Variants in RTN4R observed in about 807,000 individuals in gnomAD.
RTN4R encodes reticulon-4 receptor.
A neutral mutation model predicts 27.7 loss-of-function variants in RTN4R; 4 were observed. The ratio of observed to expected loss-of-function variants is 0.14; its 90% CI spans 0.07 to 0.33. The LOEUF is 0.33. Among genes scored for constraint, RTN4R ranks in the 10% least tolerant of loss-of-function variants. RTN4R has a pLI of 1.00. For missense variants in RTN4R, 554 were observed against 671.5 expected, an observed-to-expected ratio of 0.83 and a Z score of 1.93; for synonymous variants, 290 against 305.6, an observed-to-expected ratio of 0.95 and a Z score of 0.53.
At chr22:20,260,879 C>G (rs2051242364) in intron 1 of RTN4R, among the ~76,000 whole-genome samples, 1 of 152,158 alleles carries the variant, frequency 6.6e-6, no homozygotes, top group African/African-American at 2.4e-5. Flanking sequence ...CCGTAGGCTC[C>G]TCACTGAGAA....
Position 20,268,286 on chromosome 22 carries a change from G to A in RTN4R, c.-194C>T, listed in dbSNP as rs1166191944. The stretch of plus-strand genomic sequence containing the variant: ...GCCGCGGGTGCGCAGGGCGCGCAGG[G>A]CGCACAGGGCGAGGGCGGCGGCGGC... On this transcript the variant is annotated 5_prime_UTR_variant, in exon 1 of 2. Transcript: ENST00000043402. 2 of 148,932 alleles carry A rather than the reference G, an allele frequency of 1.3e-5. No homozygotes were observed. Among genetic ancestry groups the A allele is most frequent in the African/African-American group, 2.5e-5 (1 of 40,568 alleles). The allele number at this position is 148,932 out of a possible 1,614,324, so 9.2% of individuals were successfully genotyped here. A position where few individuals can be genotyped will look rare whatever the true frequency, so the allele number is the denominator to read the frequency against.
chr22:20,260,869 C>T (rs1602650704), intron 1 of RTN4R, among the ~76,000 whole-genome samples: 1 of 152,128 alleles, frequency 6.6e-6, no homozygotes, highest in East Asian at 1.9e-4. Flanking sequence ...CCAAACTGCG[C>T]CGTAGGCTCC....
intron 1 of RTN4R, among the ~76,000 whole-genome samples, chr22:20,263,936 TGGCCCCA>T (rs1214678096): frequency 6.6e-6 from 1 of 151,914 alleles, no homozygotes; most frequent in African/African-American, 2.4e-5. Context: ...AGGGGAGAGG[TGGCCCCA>T]AGGCACCCAC....
At chr22:20,266,846 G>A (rs992098420) in intron 1 of RTN4R, among the ~76,000 whole-genome samples, 62 of 152,364 alleles carry the variant, frequency 4.1e-4, no homozygotes, top group African/African-American at 1.3e-3. Context: ...ATGATCACGC[G>A]CACAGACACA....
chr22:20,249,557 A>G (rs1472718569), intron 1 of RTN4R, among the ~76,000 whole-genome samples: 1 of 152,282 alleles, frequency 6.6e-6, no homozygotes, highest in Non-Finnish European at 1.5e-5. Flanking sequence ...AGTGCATGCA[A>G]TGGGACCCCT....
At chr22:20,266,685 C>T (rs1042730717) in intron 1 of RTN4R, among the ~76,000 whole-genome samples, 10 of 152,218 alleles carry the variant, frequency 6.6e-5, no homozygotes, top group African/African-American at 2.4e-4. Flanking sequence ...GGAGACCCTG[C>T]CCCTCACACC....
rs368044171 is a variant in RTN4R at position 20,242,641 on chromosome 22, G to A, written c.492C>T (p.Asn164=). The stretch of plus-strand genomic sequence containing the variant: ...TGTCATCAGGCAGTGCCTGCAGCGC[G>A]TTGTCCTGCAGGTAGAGGTACTGCA... ...AALQYLYLQD[N]ALQALPDDTF... Residue 164 remains asparagine (N), a synonymous_variant, in exon 2 of 2, where the codon AAC becomes AAT. Transcript: ENST00000043402. 6.6e-5 allele frequency: 106 copies of A among 1,612,710 alleles called. 2 individuals carry two copies. Among genetic ancestry groups the A allele is most frequent in the Admixed American group, 1.5e-4 (9 of 59,994 alleles).
At chr22:20,266,486 G>A (rs568876858) in intron 1 of RTN4R, among the ~76,000 whole-genome samples, 3 of 152,336 alleles carry the variant, frequency 2.0e-5, no homozygotes, top group South Asian at 2.1e-4. Context: ...CACTGGAGGC[G>A]GGGCCTCTGC....
intron 1 of RTN4R, chr22:20,243,642 C>T (rs538089758): frequency 1.4e-4 from 59 of 417,056 alleles, no homozygotes; most frequent in Admixed American, 1.1e-3. Flanking sequence ...TAGGAGGAGT[C>T]GCGTCCCACA....
chr22:20,266,725 A>G (rs1389940305), intron 1 of RTN4R, among the ~76,000 whole-genome samples: 1 of 152,154 alleles, frequency 6.6e-6, no homozygotes, highest in Non-Finnish European at 1.5e-5. Flanking sequence ...ACGAGCCCCC[A>G]ACACACATTC....
chr22:20,249,173 C>T (rs747309015), intron 1 of RTN4R: 12 of 534,346 alleles, frequency 2.2e-5, no homozygotes, highest in South Asian at 1.7e-4. Context: ...GCAGCTAATT[C>T]AATCCAGCAG....
At chr22:20,265,982 A>G (rs2051274597) in intron 1 of RTN4R, among the ~76,000 whole-genome samples, 1 of 152,244 alleles carries the variant, frequency 6.6e-6, no homozygotes, top group Non-Finnish European at 1.5e-5. Flanking sequence ...TGGCTGAGCC[A>G]GGACCCAAAT....
chr22:20,257,811 G>A (rs999324750), intron 1 of RTN4R, among the ~76,000 whole-genome samples: 15 of 152,150 alleles, frequency 9.9e-5, no homozygotes, highest in African/African-American at 2.9e-4. Flanking sequence ...GGGTGAGTCC[G>A]TCTTGCAGGT....
intron 1 of RTN4R, among the ~76,000 whole-genome samples, chr22:20,264,554 G>A (rs2051266349): frequency 6.6e-6 from 1 of 152,222 alleles, no homozygotes; most frequent in African/African-American, 2.4e-5. Flanking sequence ...GAATCTGACA[G>A]GCTAGGAACG....
chr22:20,245,783 C>T lies in RTN4R; in HGVS notation c.23-2673G>A, dbSNP rs151288731. Among the ~76,000 whole-genome samples the T allele has an allele frequency of 4.8e-3, 731 of 152,352 alleles. 9 individuals carry two copies. The highest frequency in any genetic ancestry group is 8.6e-3 in the Non-Finnish European group (586 of 68,036). On this transcript the variant is annotated intron_variant, in intron 1 of 1. Coordinates refer to ENST00000043402, the MANE Select transcript of RTN4R (RefSeq NM_023004.6). ...CTGCCATCACCCCACTTTCCACTCT[C>T]ACCCAGTCTCACCCTGGCCCCAGTT...
chr22:20,241,721 C>T lies in RTN4R; in HGVS notation c.1412G>A (p.Gly471Glu). 1.3e-6 allele frequency: 2 copies of T among 1,550,042 alleles called. No individual in the cohort carries two copies. The highest frequency in any genetic ancestry group is 1.7e-6 in the Non-Finnish European group (2 of 1,146,934). Residue 471 changes from glycine (G) to glutamate (E), a missense_variant, in exon 2 of 2, where the codon GGG becomes GAG. Coordinates refer to ENST00000043402, the MANE Select transcript of RTN4R (RefSeq NM_023004.6). ...GLALVLWTVL[G>E]PC is the part of the protein sequence containing the mutation. ...TGTGTCCGCTGGGGGTCAGCAGGGCCCAAGCACTGTCCACAGCACCAGCGC... is the reference window on the plus strand; with the variant it reads ...TGTGTCCGCTGGGGGTCAGCAGGGCTCAAGCACTGTCCACAGCACCAGCGC...
At chr22:20,246,597 G>T (rs977710884) in intron 1 of RTN4R, among the ~76,000 whole-genome samples, 2 of 152,224 alleles carry the variant, frequency 1.3e-5, no homozygotes, top group African/African-American at 4.8e-5. Flanking sequence ...CACCCCAGCA[G>T]CCCAGGGAGC....
At chr22:20,261,898 G>A (rs855052) in intron 1 of RTN4R, among the ~76,000 whole-genome samples, 70,123 of 152,172 alleles carry the variant, frequency 0.46, 17,113 homozygotes, top group East Asian at 0.89. Flanking sequence ...CTCTAGCCCA[G>A]GCCCTGAGAA....
intron 1 of RTN4R, among the ~76,000 whole-genome samples, chr22:20,258,723 G>A (rs942457953): frequency 1.1e-4 from 17 of 152,200 alleles, no homozygotes; most frequent in African/African-American, 3.4e-4. Context: ...CAGAAGCAGT[G>A]ATGGAGACCG....
Sources: gnomAD v4.1 joint callset for allele counts (sites outside exome capture counted in the v4.1 genomes callset) on GRCh38, gnomAD v4.1.1 for gene constraint, MANE v1.5 for transcripts, NCBI Gene and HGNC (gene_info 2026-07-23, HGNC 2026-07-21) for gene names.